The following CDC20B variants were observed in gnomAD, a reference collection of about 807,000 sequenced individuals.
CDC20B encodes cell division cycle 20B, also known as cell division cycle protein 20 homolog B.
CDC20B carries 58 observed loss-of-function variants against 64.1 expected under a neutral mutation model. The ratio of observed to expected loss-of-function variants is 0.90; its 90% CI spans 0.73 to 1.13. CDC20B has a LOEUF of 1.13. Ranked by LOEUF, CDC20B falls within the 50% of genes most tolerant of loss-of-function variation. The probability of loss-of-function intolerance (pLI) is 0.00; values close to 1 mark genes in which losing one functional copy is unlikely to be tolerated. For synonymous variants in CDC20B, 243 were observed against 230.6 expected (o/e 1.05, Z -0.49); for missense variants, 597 against 633.0 (o/e 0.94, Z 0.61).
At chr5:55,117,205 G>A (rs932885739) in intron 11 of CDC20B, among the ~76,000 whole-genome samples, 9 of 152,064 alleles carry the variant, frequency 5.9e-5, no homozygotes, top group South Asian at 2.1e-4. Context: ...ATAATCATAA[G>A]TTACCTTTCT....
chr5:55,158,535 G>A (rs1193073296), intron 2 of CDC20B, among the ~76,000 whole-genome samples: 2 of 152,100 alleles, frequency 1.3e-5, no homozygotes, highest in Non-Finnish European at 2.9e-5. Context: ...TCAGCCACCC[G>A]AAAACACACA....
chr5:55,124,750 T>C (rs1742834712), intron 9 of CDC20B, 53 bp downstream of exon 9: 4 of 1,407,396 alleles, frequency 2.8e-6, no homozygotes, highest in Admixed American at 3.8e-5. Context: ...ATGTGAAGGA[T>C]ACCCAGTGGC....
chr5:55,115,432 T>A (rs1376649152), intron 11 of CDC20B, among the ~76,000 whole-genome samples: 2 of 152,240 alleles, frequency 1.3e-5, no homozygotes, highest in African/African-American at 4.8e-5. Context: ...CTCAGATTTA[T>A]CTGACCACAG....
At chr5:55,141,734 C>T (rs909291898) in intron 4 of CDC20B, among the ~76,000 whole-genome samples, 1 of 152,084 alleles carries the variant, frequency 6.6e-6, no homozygotes. Flanking sequence ...GTCAATGAAT[C>T]GTGGTTTTTA....
intron 2 of CDC20B, among the ~76,000 whole-genome samples, chr5:55,162,927 T>C (rs1451290469): frequency 6.6e-6 from 1 of 152,180 alleles, no homozygotes; most frequent in Non-Finnish European, 1.5e-5. Flanking sequence ...AAAAGGCCCG[T>C]ATATCAATCC....
intron 5 of CDC20B, among the ~76,000 whole-genome samples, chr5:55,134,991 C>A (rs1219246436): frequency 6.6e-6 from 1 of 152,096 alleles, no homozygotes; most frequent in African/African-American, 2.4e-5. Flanking sequence ...ATTGGTCAAA[C>A]CCATAGAATA....
At chr5:55,172,884 C>A (rs893044789) in intron 1 of CDC20B, 54 bp downstream of exon 1, 44 of 1,492,236 alleles carry the variant, frequency 2.9e-5, no homozygotes, top group Non-Finnish European at 4.0e-5. Flanking sequence ...ATGAACGGGG[C>A]CTTCGGCCCC....
intron 2 of CDC20B, among the ~76,000 whole-genome samples, chr5:55,167,672 G>A (rs1315943565): frequency 6.6e-6 from 1 of 152,004 alleles, no homozygotes; most frequent in Non-Finnish European, 1.5e-5. Flanking sequence ...CCAGCCTGGG[G>A]CAACATGGCA....
chr5:55,143,165 T>C (rs1242606936), intron 4 of CDC20B, among the ~76,000 whole-genome samples: 1 of 152,182 alleles, frequency 6.6e-6, no homozygotes, highest in Non-Finnish European at 1.5e-5. Flanking sequence ...CATCAAATAG[T>C]TGGAAATGAT....
At position 55,146,650 on chromosome 5, in the gene CDC20B, A is replaced by T; in HGVS notation, c.333T>A (p.Pro111=). The T allele has an allele frequency of 6.2e-7, 1 of 1,614,032 alleles. No homozygotes were observed. The highest frequency in any genetic ancestry group is 8.5e-7 in the Non-Finnish European group (1 of 1,179,934). ...EASGSVLKTP[P]EKETLTLGSR... ...CACCTAGAGTCAAGGTCTCTTTCTC[A>T]GGCGGTGTCTTCAGCACTGATCCGG... The change falls in exon 3 of 12, where the codon CCT becomes CCA. Residue 111 remains proline (P), a synonymous_variant. Transcript: ENST00000381375.
chr5:55,128,707 T>C (rs1483075073), intron 6 of CDC20B, 90 bp from the exon 7 acceptor site: 2 of 908,982 alleles, frequency 2.2e-6, no homozygotes, highest in African/African-American at 1.7e-5. Flanking sequence ...GGGAAAAGAA[T>C]AATACCATCC....
intron 2 of CDC20B, among the ~76,000 whole-genome samples, chr5:55,151,279 G>A (rs1226430830): frequency 2.0e-5 from 3 of 152,172 alleles, no homozygotes. Context: ...GTGTTCAACT[G>A]ATTCTAATTT....
intron 6 of CDC20B, 87 bp from the exon 7 acceptor site, chr5:55,128,704 G>A: frequency 1.1e-6 from 1 of 932,656 alleles, no homozygotes; most frequent in Non-Finnish European, 1.5e-6. Flanking sequence ...AGGGGGAAAA[G>A]AATAATACCA....
At chr5:55,146,938 GACTCATCTAGTACA>G in intron 2 of CDC20B, 82 bp from the exon 3 acceptor site, 1 of 864,700 alleles carries the variant, frequency 1.2e-6, no homozygotes, top group Non-Finnish European at 1.9e-6. Context: ...AATTACAAAT[GACTCATCTAGTACA>G]ACACCAATAA....
chr5:55,133,938 T>C (rs1371500226), intron 5 of CDC20B, among the ~76,000 whole-genome samples: 1 of 152,216 alleles, frequency 6.6e-6, no homozygotes, highest in African/African-American at 2.4e-5. Context: ...ACTTCATCAA[T>C]AAATATTTAT....
At position 55,164,161 on chromosome 5, in the gene CDC20B, G is replaced by T. The variant is rs775978618; in HGVS notation, c.126+8427C>A. On this transcript the variant is annotated intron_variant, in intron 2 of 11. Coordinates refer to ENST00000381375, the MANE Select transcript of CDC20B (RefSeq NM_001170402.1). Reference sequence around the variant, plus strand: ...CAGAGGAGCCCATTGAAGTCATCAGGCCTGACATAGCAGCTCTGGTTAGAC... The same window carrying T: ...CAGAGGAGCCCATTGAAGTCATCAGTCCTGACATAGCAGCTCTGGTTAGAC... 4 of 1,598,732 alleles carry T rather than the reference G, an allele frequency of 2.5e-6. No homozygotes were observed. The Admixed American group carries it at 6.7e-5, about 27-fold the overall frequency.
chr5:55,139,521 T>C (rs2111862234), intron 5 of CDC20B, among the ~76,000 whole-genome samples: 1 of 152,202 alleles, frequency 6.6e-6, no homozygotes, highest in South Asian at 2.1e-4. Flanking sequence ...TTAGAGGAAA[T>C]ATTAATGGTG....
chr5:55,140,527 T>C, intron 4 of CDC20B, 120 bp from the exon 5 acceptor site: 1 of 599,762 alleles, frequency 1.7e-6, no homozygotes. Flanking sequence ...GATTCCACAT[T>C]GTCAAAGCCA....
intron 6 of CDC20B, among the ~76,000 whole-genome samples, chr5:55,131,647 G>A (rs994361152): frequency 7.9e-5 from 12 of 152,196 alleles, no homozygotes; most frequent in African/African-American, 2.7e-4. Flanking sequence ...TGGAAGAGTA[G>A]TTTCAATTGA....
Sources: allele counts gnomAD v4.1 joint callset (sites outside exome capture counted in the v4.1 genomes callset), GRCh38; gene constraint gnomAD v4.1.1; transcripts MANE v1.5; gene names NCBI Gene and HGNC (gene_info 2026-07-23, HGNC 2026-07-21).